EYS: variants seen among roughly 807,000 people sequenced by gnomAD.
EYS encodes the protein protein eyes shut homolog.
Under a neutral mutation model 282.1 loss-of-function variants are expected in EYS, and 250 were observed. That is an observed-to-expected ratio of 0.89 (90% CI 0.80 to 0.98). The LOEUF is 0.98. EYS is among the 50% of genes least tolerant of loss of function. EYS has a pLI of 0.00. For synonymous variants in EYS, 1,355 were observed against 1,282.9 expected (o/e 1.06, Z -1.20); for missense variants, 4,016 against 3,709.0 (o/e 1.08, Z -2.15).
At chr6:65,464,849 G>T (rs552548144) in intron 5 of EYS, among the ~76,000 whole-genome samples, 2 of 152,136 alleles carry the variant, frequency 1.3e-5, no homozygotes, top group Non-Finnish European at 2.9e-5. Flanking sequence ...TGTGTTCCAC[G>T]TGTGGGACTG....
intron 26 of EYS, among the ~76,000 whole-genome samples, chr6:64,569,385 A>C (rs1387638960): frequency 1.3e-5 from 2 of 151,992 alleles, no homozygotes; most frequent in Non-Finnish European, 2.9e-5. Flanking sequence ...AGCAGAAGAA[A>C]GGATATCACA....
At chr6:64,349,552 T>C (rs933551049) in intron 29 of EYS, among the ~76,000 whole-genome samples, 121 of 151,442 alleles carry the variant, frequency 8.0e-4, no homozygotes, top group African/African-American at 2.8e-3. Context: ...TAAGAGTTAA[T>C]GATTCTATAA....
intron 36 of EYS, among the ~76,000 whole-genome samples, chr6:63,863,675 C>CTTTTCTTTTCTTTTTTT (rs1772597256): frequency 3.5e-4 from 21 of 60,040 alleles, no homozygotes; most frequent in African/African-American, 8.5e-4. Flanking sequence ...TTTCTTTTTT[C>CTTTTCTTTTCTTTTTTT]TTTTTTTTTT....
intron 26 of EYS, among the ~76,000 whole-genome samples, chr6:64,488,953 T>C (rs1191446053): frequency 6.6e-6 from 1 of 150,976 alleles, no homozygotes; most frequent in African/African-American, 2.4e-5. Flanking sequence ...TATTTGATAT[T>C]ATTTAATCTA....
intron 22 of EYS, among the ~76,000 whole-genome samples, chr6:64,646,068 C>A (rs887543637): frequency 6.6e-6 from 1 of 152,048 alleles, no homozygotes; most frequent in African/African-American, 2.4e-5. Flanking sequence ...ATTTGGGGAT[C>A]CTAAATTCTC....
chr6:65,085,458 A>C (rs997933712), intron 12 of EYS, among the ~76,000 whole-genome samples: 4 of 152,190 alleles, frequency 2.6e-5, no homozygotes, highest in Non-Finnish European at 5.9e-5. Flanking sequence ...GAAATGAACC[A>C]TCACTGTGCT....
chr6:65,019,006 G>A (rs889417664), intron 13 of EYS, among the ~76,000 whole-genome samples: 5 of 152,030 alleles, frequency 3.3e-5, no homozygotes, highest in Non-Finnish European at 5.9e-5. Context: ...TTATCTCAAT[G>A]AACACAAAAT....
At chr6:64,568,039 G>A (rs754441100) in intron 26 of EYS, among the ~76,000 whole-genome samples, 1 of 152,178 alleles carries the variant, frequency 6.6e-6, no homozygotes, top group Non-Finnish European at 1.5e-5. Flanking sequence ...ATAGATTTGA[G>A]AATTCAGGAA....
intron 28 of EYS, among the ~76,000 whole-genome samples, chr6:64,415,173 G>A (rs894003936): frequency 1.3e-5 from 2 of 152,162 alleles, no homozygotes; most frequent in South Asian, 4.1e-4. Flanking sequence ...ACACTAAATG[G>A]ATTGTAGCAC....
At chr6:65,409,345 G>T (rs998571661) in intron 5 of EYS, among the ~76,000 whole-genome samples, 1 of 152,176 alleles carries the variant, frequency 6.6e-6, no homozygotes, top group African/African-American at 2.4e-5. Context: ...ACTTGGATCA[G>T]CAGGTGTTTC....
At chr6:65,373,505 G>C (rs983863973) in intron 8 of EYS, among the ~76,000 whole-genome samples, 1 of 151,950 alleles carries the variant, frequency 6.6e-6, no homozygotes, top group Admixed American at 6.6e-5. Context: ...TTCTGAGGGA[G>C]CAGTCCTGGA....
In EYS at chr6:64,803,380, T is replaced by G. The variant is rs11969378; in HGVS notation, c.3443+9998A>C. On this transcript the variant is annotated intron_variant, in intron 22 of 42. Coordinates refer to ENST00000503581, the MANE Select transcript of EYS (RefSeq NM_001142800.2). Reference sequence around the variant, plus strand: ...AGTAGGGGGACTGAAGGTGTGTGTGTGGGGGGGTTGGTTTATGGGCTTTAG... The same window carrying G: ...AGTAGGGGGACTGAAGGTGTGTGTGGGGGGGGGTTGGTTTATGGGCTTTAG... Among the ~76,000 whole-genome samples the G allele has an allele frequency of 8.3e-3, 1,191 of 143,798 alleles. 18 individuals carry two copies. Among genetic ancestry groups the G allele is most frequent in the African/African-American group, 0.025 (988 of 38,876 alleles). The allele number at this position is 143,798 out of a possible 152,430, so 94.3% of individuals were successfully genotyped here. A position where few individuals can be genotyped will look rare whatever the true frequency, so the allele number is the denominator to read the frequency against.
chr6:64,466,840 T>A (rs1775936792), intron 26 of EYS, among the ~76,000 whole-genome samples: 1 of 152,144 alleles, frequency 6.6e-6, no homozygotes, highest in Admixed American at 6.6e-5. Flanking sequence ...TTTCAAAATA[T>A]TATGTTGCAC....
chr6:64,055,754 T>C (rs1283172772), intron 33 of EYS, among the ~76,000 whole-genome samples: 1 of 152,170 alleles, frequency 6.6e-6, no homozygotes, highest in African/African-American at 2.4e-5. Context: ...TTTCTTTGGG[T>C]CACTCCTCGT....
At chr6:65,120,167 C>A (rs9453191) in intron 12 of EYS, among the ~76,000 whole-genome samples, 24,236 of 122,868 alleles carry the variant, frequency 0.2, 4,001 homozygotes, top group African/African-American at 0.36. Flanking sequence ...AAAAAAAAAA[C>A]AAAAACAAAT....
At chr6:64,189,762 C>G (rs1765048787) in intron 31 of EYS, among the ~76,000 whole-genome samples, 1 of 152,056 alleles carries the variant, frequency 6.6e-6, no homozygotes, top group Admixed American at 6.6e-5. Flanking sequence ...GCTGACTTAC[C>G]CTATGGATTT....
At chr6:64,157,577 T>C (rs551282339) in intron 31 of EYS, among the ~76,000 whole-genome samples, 1 of 152,132 alleles carries the variant, frequency 6.6e-6, no homozygotes, top group African/African-American at 2.4e-5. Context: ...AGAGTCCCCA[T>C]GCTGTGGGCA....
At chr6:64,095,713 G>A (rs996838936) in intron 31 of EYS, among the ~76,000 whole-genome samples, 2 of 152,016 alleles carry the variant, frequency 1.3e-5, no homozygotes, top group African/African-American at 4.8e-5. Flanking sequence ...TATCCAATTT[G>A]CCAGGCTGTG....
chr6:64,682,284 C>T (rs1769929444), intron 22 of EYS, among the ~76,000 whole-genome samples: 1 of 152,022 alleles, frequency 6.6e-6, no homozygotes, highest in African/African-American at 2.4e-5. Flanking sequence ...GGGAGAATGG[C>T]GTGAACCTGG....
Sources: allele counts gnomAD v4.1 joint callset (sites outside exome capture counted in the v4.1 genomes callset), GRCh38; gene constraint gnomAD v4.1.1; transcripts MANE v1.5; gene names NCBI Gene and HGNC (gene_info 2026-07-23, HGNC 2026-07-21).